Variants in SGCZ observed in about 807,000 individuals in gnomAD.
SGCZ encodes sarcoglycan zeta, also known as zeta-sarcoglycan.
Under a neutral mutation model 41.3 loss-of-function variants are expected in SGCZ, and 40 were observed. The ratio of observed to expected loss-of-function variants is 0.97; its 90% CI spans 0.75 to 1.26. SGCZ has a LOEUF of 1.26. Among genes scored for constraint, SGCZ ranks in the 50% most tolerant of loss-of-function variants. The probability of loss-of-function intolerance (pLI) is 0.00; values close to 1 mark genes in which losing one functional copy is unlikely to be tolerated. For missense variants in SGCZ, 552 were observed against 369.8 expected (o/e 1.49, Z -4.04); for synonymous variants, 206 against 137.5 (o/e 1.50, Z -3.49).
chr8:15,123,282 G>A (rs1232972355), intron 1 of SGCZ, among the ~76,000 whole-genome samples: 1 of 152,074 alleles, frequency 6.6e-6, no homozygotes, highest in African/African-American at 2.4e-5. Flanking sequence ...TAAATAGAAA[G>A]GCTGATGTAT....
chr8:14,456,655 G>A (rs1240848923), intron 2 of SGCZ, among the ~76,000 whole-genome samples: 1 of 151,990 alleles, frequency 6.6e-6, no homozygotes, highest in Non-Finnish European at 1.5e-5. Context: ...ATGAATATAG[G>A]ACAGTTGGAA....
chr8:14,537,525 G>C (rs1803331913), intron 2 of SGCZ, among the ~76,000 whole-genome samples: 1 of 151,420 alleles, frequency 6.6e-6, no homozygotes, highest in Non-Finnish European at 1.5e-5. Flanking sequence ...GAGAACCCTA[G>C]TATCTGACTT....
chr8:14,733,701 C>T (rs1186231087), intron 1 of SGCZ, among the ~76,000 whole-genome samples: 1 of 152,140 alleles, frequency 6.6e-6, no homozygotes, highest in Non-Finnish European at 1.5e-5. Context: ...ATCAATGCAG[C>T]TATGCTAACA....
At chr8:14,865,293 G>C (rs980786343) in intron 1 of SGCZ, among the ~76,000 whole-genome samples, 46 of 151,910 alleles carry the variant, frequency 3.0e-4, no homozygotes, top group Admixed American at 1.6e-3. Context: ...GGAACTCTCA[G>C]ACCATATCCC....
intron 3 of SGCZ, among the ~76,000 whole-genome samples, chr8:14,316,051 A>G (rs1421503025): frequency 6.6e-6 from 1 of 151,854 alleles, no homozygotes; most frequent in African/African-American, 2.4e-5. Flanking sequence ...AATTAGTCAA[A>G]TATTTTGAGT....
rs936511857 is a variant in SGCZ, at chr8:14,272,807, A to T, written c.337-35128T>A. Among the ~76,000 whole-genome samples, 26 of 152,310 alleles carry T rather than the reference A, an allele frequency of 1.7e-4. No homozygotes were observed. In the South Asian group the frequency reaches 5.0e-3, roughly 29 times the overall value. On this transcript the variant is annotated intron_variant, in intron 3 of 7. Transcript: ENST00000382080. ...TTTGACTGTGTCAGGTTGAAAAACT[A>T]AAATATCAATTAAATTTTACATTTG...
intron 4 of SGCZ, among the ~76,000 whole-genome samples, chr8:14,210,679 C>G (rs547310713): frequency 6.6e-6 from 1 of 152,008 alleles, no homozygotes; most frequent in African/African-American, 2.4e-5. Flanking sequence ...GTTGGCCAAG[C>G]TGTTCTTGAT....
chr8:14,610,315 T>C (rs1467153925), intron 1 of SGCZ, among the ~76,000 whole-genome samples: 2 of 152,192 alleles, frequency 1.3e-5, no homozygotes, highest in African/African-American at 2.4e-5. Context: ...ATGTGAAAGA[T>C]GCCCTCCCTC....
intron 4 of SGCZ, among the ~76,000 whole-genome samples, chr8:14,186,406 A>T (rs1211916223): frequency 6.6e-6 from 1 of 152,226 alleles, no homozygotes; most frequent in Non-Finnish European, 1.5e-5. Context: ...CCAAGAACAC[A>T]GGAATCCTTC....
At chr8:14,836,467 CG>C (rs1382897876) in intron 1 of SGCZ, among the ~76,000 whole-genome samples, 2 of 152,100 alleles carry the variant, frequency 1.3e-5, no homozygotes, top group Admixed American at 1.3e-4. Context: ...TCTAGTCTGT[CG>C]CCCTCCCTCT....
chr8:14,235,721 A>C (rs377309597), intron 4 of SGCZ, among the ~76,000 whole-genome samples: 1 of 152,016 alleles, frequency 6.6e-6, no homozygotes, highest in Admixed American at 6.6e-5. Context: ...GTCTCACTCT[A>C]TTCCCCAGGC....
chr8:14,123,630 A>G (rs1372120094), intron 5 of SGCZ, among the ~76,000 whole-genome samples: 1 of 152,154 alleles, frequency 6.6e-6, no homozygotes, highest in Admixed American at 6.5e-5. Context: ...CTAACATAGT[A>G]GGAAACTATT....
intron 2 of SGCZ, among the ~76,000 whole-genome samples, chr8:14,504,283 G>T (rs62498388): frequency 0.019 from 2,934 of 152,246 alleles, 62 homozygotes; most frequent in African/African-American, 0.048. Flanking sequence ...TCTCTGAAAT[G>T]ACTTCACAAA....
At chr8:14,241,014 A>G (rs1798862867) in intron 3 of SGCZ, among the ~76,000 whole-genome samples, 1 of 152,178 alleles carries the variant, frequency 6.6e-6, no homozygotes, top group South Asian at 2.1e-4. Flanking sequence ...ACCTCTTAAA[A>G]ACAAAAAAAG....
rs574125961 is a variant in SGCZ at position 14,836,579 on chromosome 8, A to G, written c.40-281653T>C. 8.5e-5 allele frequency among the ~76,000 whole-genome samples: 13 copies of G among 152,142 alleles called. No individual in the cohort carries two copies. The South Asian group carries it at 2.7e-3, about 32-fold the overall frequency. On this transcript the variant is annotated intron_variant, in intron 1 of 7. Transcript: ENST00000382080. ...AGTGGCATGATCTTGGCTCACTGCA[A>G]CCTTCATCTCCTGGGTTCAAGTGCT... is the stretch of plus-strand genomic sequence containing the variant.
intron 1 of SGCZ, among the ~76,000 whole-genome samples, chr8:15,096,313 C>G (rs532094663): frequency 6.6e-5 from 10 of 151,828 alleles, no homozygotes; most frequent in Middle Eastern, 3.4e-3. Context: ...GTCTTGAACT[C>G]CTGACCTCAA....
chr8:14,376,417 A>C (rs2117176996), intron 2 of SGCZ, among the ~76,000 whole-genome samples: 1 of 152,322 alleles, frequency 6.6e-6, no homozygotes, highest in South Asian at 2.1e-4. Context: ...CACTGTATGC[A>C]GAGAGATTTG....
chr8:14,565,373 C>G (rs1238538649), intron 1 of SGCZ, among the ~76,000 whole-genome samples: 1 of 151,712 alleles, frequency 6.6e-6, no homozygotes, highest in East Asian at 1.9e-4. Flanking sequence ...ACTTTGAAAT[C>G]ATTTCATTCT....
At chr8:14,916,351 T>G (rs1353613812) in intron 1 of SGCZ, among the ~76,000 whole-genome samples, 2 of 152,164 alleles carry the variant, frequency 1.3e-5, no homozygotes, top group Non-Finnish European at 2.9e-5. Flanking sequence ...AAGCCCGAAG[T>G]TTCAGCACCT....
Sources: allele counts gnomAD v4.1 joint callset (sites outside exome capture counted in the v4.1 genomes callset), GRCh38; gene constraint gnomAD v4.1.1; transcripts MANE v1.5; gene names NCBI Gene and HGNC (gene_info 2026-07-23, HGNC 2026-07-21).